Variants in ADCY10 observed in about 807,000 individuals in gnomAD.
ADCY10 encodes adenylate cyclase 10.
A neutral mutation model predicts 183.3 loss-of-function variants in ADCY10; 156 were observed. The observed-to-expected ratio is 0.85, with a 90% CI of 0.75 to 0.97. The LOEUF (loss-of-function observed/expected upper bound fraction) is 0.97, where lower values mean the gene tolerates loss of function less well. Among genes scored for constraint, ADCY10 ranks in the 50% least tolerant of loss-of-function variants. The probability of loss-of-function intolerance (pLI) is 0.00; values close to 1 mark genes in which losing one functional copy is unlikely to be tolerated. For missense variants in ADCY10, 1,745 were observed against 1,934.3 expected, an observed-to-expected ratio of 0.90 and a Z score of 1.84; for synonymous variants, 645 against 670.0, an observed-to-expected ratio of 0.96 and a Z score of 0.58.
At chr1:167,841,373 C>T (rs1664624981) in intron 21 of ADCY10, among the ~76,000 whole-genome samples, 1 of 152,002 alleles carries the variant, frequency 6.6e-6, no homozygotes, top group Non-Finnish European at 1.5e-5. Context: ...CAGCAAAATC[C>T]CTCACTTCCT....
At chr1:167,813,376 C>A (rs1028814462) in intron 31 of ADCY10, among the ~76,000 whole-genome samples, 7 of 151,570 alleles carry the variant, frequency 4.6e-5, no homozygotes, top group African/African-American at 1.7e-4. Flanking sequence ...CAAAAAAAAA[C>A]CCGTCAACCA....
At chr1:167,890,584 C>T (rs963244974) in intron 8 of ADCY10, among the ~76,000 whole-genome samples, 1 of 127,554 alleles carries the variant, frequency 7.8e-6, no homozygotes, top group Admixed American at 8.7e-5. Flanking sequence ...TTGTTCAAGG[C>T]TCTAGCACTC....
At chr1:167,811,772 A>T (rs1662226635) in intron 31 of ADCY10, among the ~76,000 whole-genome samples, 1 of 152,160 alleles carries the variant, frequency 6.6e-6, no homozygotes, top group African/African-American at 2.4e-5. Flanking sequence ...ACTGTAATTG[A>T]TGAATTGCTA....
chr1:167,871,860 G>A lies in ADCY10; in HGVS notation c.1463-1450C>T, dbSNP rs12038967. ...GAAAATGCATTTGAACCTCAATTTCGTGAGATGTTTTGTGTTTTTCTTTGG... is the reference window on the plus strand; with the variant it reads ...GAAAATGCATTTGAACCTCAATTTCATGAGATGTTTTGTGTTTTTCTTTGG... On this transcript the variant is annotated intron_variant, in intron 13 of 32. Transcript: ENST00000367851. 0.016 allele frequency among the ~76,000 whole-genome samples: 2,478 copies of A among 152,120 alleles called. 242 individuals carry two copies. In the East Asian group the frequency reaches 0.27, roughly 16 times the overall value.
intron 18 of ADCY10, among the ~76,000 whole-genome samples, chr1:167,853,503 G>A (rs1665649698): frequency 1.3e-5 from 2 of 152,058 alleles, no homozygotes; most frequent in East Asian, 1.9e-4. Context: ...GAAACACCAA[G>A]GGAGTGGAAA....
intron 14 of ADCY10, among the ~76,000 whole-genome samples, chr1:167,861,376 A>ACGAACC (rs1666277298): frequency 6.6e-6 from 1 of 152,214 alleles, no homozygotes; most frequent in Non-Finnish European, 1.5e-5. Context: ...GCCTAACGGC[A>ACGAACC]TGAACCCAGG....
At chr1:167,910,183 A>G (rs1198125761) in intron 1 of ADCY10, among the ~76,000 whole-genome samples, 1 of 152,200 alleles carries the variant, frequency 6.6e-6, no homozygotes, top group Non-Finnish European at 1.5e-5. Flanking sequence ...TCGTCCTGCT[A>G]CAATGGTATC....
chr1:167,864,055 G>A (rs1279010331), intron 14 of ADCY10, among the ~76,000 whole-genome samples: 1 of 152,176 alleles, frequency 6.6e-6, no homozygotes, highest in Non-Finnish European at 1.5e-5. Context: ...CGGCACTTTG[G>A]TTTTTGTTTT....
At position 167,845,508 on chromosome 1, in the gene ADCY10, T is replaced by C. The variant is rs759063303; in HGVS notation, c.3007+55A>G. 1.8e-5 allele frequency: 29 copies of C among 1,585,226 alleles called. No individual in the cohort carries two copies. In the South Asian group the frequency reaches 2.7e-4, roughly 15 times the overall value. ...ATCCACACCCACTCCTTCTAGATCT[T>C]AGTCTCTAGATTTCCCAAGAACAGT... On this transcript the variant is annotated intron_variant, in intron 21 of 32. Coordinates refer to ENST00000367851, the MANE Select transcript of ADCY10 (RefSeq NM_018417.6).
intron 26 of ADCY10, among the ~76,000 whole-genome samples, chr1:167,827,111 C>T (rs926923444): frequency 9.2e-5 from 14 of 152,118 alleles, no homozygotes; most frequent in Admixed American, 6.5e-5. Context: ...TACTTGACCC[C>T]TTCCCTTAAT....
intron 14 of ADCY10, among the ~76,000 whole-genome samples, chr1:167,869,020 T>C (rs1369202444): frequency 6.6e-6 from 1 of 152,208 alleles, no homozygotes; most frequent in Non-Finnish European, 1.5e-5. Flanking sequence ...TATAAAAATT[T>C]AACCTTACTA....
chr1:167,834,053 G>T lies in ADCY10; in HGVS notation c.3334C>A (p.Gln1112Lys). The T allele has an allele frequency of 6.2e-7, 1 of 1,614,024 alleles. No homozygotes were observed. Among genetic ancestry groups the T allele is most frequent in the South Asian group, 1.1e-5 (1 of 91,074 alleles). The change falls in exon 24 of 33, where the codon CAG (glutamine) becomes AAG (lysine). Residue 1112 changes from glutamine (Q) to lysine (K), a missense_variant. Physicochemically the swap from Gln to Lys is moderately conservative, Grantham distance 53 (BLOSUM62 1). Transcript: ENST00000367851. ...TTCTTGAGAGTTTTTAGCAACTTCT[G>T]TCCTTCATTCAAATACATGTATGCC... ...YMAYMYLNEG[Q>K]KLLKTLKKDK...
At chr1:167,820,872 G>C (rs887582043) in intron 30 of ADCY10, 1 of 152,226 alleles carries the variant, frequency 6.6e-6, no homozygotes, top group African/African-American at 2.4e-5. Context: ...CTGGGAAGGC[G>C]AGGCTGCAGT....
chr1:167,912,133 A>G (rs1250257428), intron 1 of ADCY10, among the ~76,000 whole-genome samples: 1 of 152,212 alleles, frequency 6.6e-6, no homozygotes, highest in East Asian at 1.9e-4. Context: ...CACATACCAC[A>G]TTGTAATTAT....
intron 21 of ADCY10, among the ~76,000 whole-genome samples, chr1:167,842,107 C>T (rs1664696035): frequency 6.6e-6 from 1 of 152,146 alleles, no homozygotes; most frequent in African/African-American, 2.4e-5. Context: ...GACCAGCTAC[C>T]AGCTTCCTCC....
chr1:167,809,537 A>G lies in ADCY10; in HGVS notation c.*141T>C, dbSNP rs1310910256. On this transcript the variant is annotated 3_prime_UTR_variant, in exon 33 of 33. Transcript: ENST00000367851. Reference sequence around the variant, plus strand: ...TGACCCTTGTAGGCCCTCCAGAAAGAGAAGAAATCAACATGTCTGTTTCTG... The same window carrying G: ...TGACCCTTGTAGGCCCTCCAGAAAGGGAAGAAATCAACATGTCTGTTTCTG... 2.1e-6 allele frequency: 2 copies of G among 938,224 alleles called. No individual in the cohort carries two copies. The highest frequency in any genetic ancestry group is 3.3e-5 in the African/African-American group (2 of 60,712). 58.1% of individuals were successfully genotyped at this position (938,224 alleles called of 1,614,324 possible).
intron 22 of ADCY10, 55 bp downstream of exon 22, chr1:167,837,194 A>G: frequency 1.4e-6 from 2 of 1,474,876 alleles, no homozygotes; most frequent in Non-Finnish European, 1.9e-6. Flanking sequence ...TAGTGTTCTG[A>G]ATTTAATGAC....
intron 14 of ADCY10, among the ~76,000 whole-genome samples, chr1:167,865,782 G>C (rs1312848980): frequency 6.6e-6 from 1 of 152,198 alleles, no homozygotes; most frequent in Non-Finnish European, 1.5e-5. Context: ...TTAAACAAAA[G>C]CAGTTGTTAT....
Position 167,894,121 on chromosome 1 carries a change from T to G in ADCY10, c.740-180A>C, listed in dbSNP as rs532020960. 6.6e-5 allele frequency among the ~76,000 whole-genome samples: 10 copies of G among 152,296 alleles called. No individual in the cohort carries two copies. The East Asian group carries it at 1.7e-3, about 26-fold the overall frequency. On this transcript the variant is annotated intron_variant, in intron 7 of 32. Coordinates refer to ENST00000367851, the MANE Select transcript of ADCY10 (RefSeq NM_018417.6). ...CCAGGGGAAATCCAAAGAGGAGCTC[T>G]TAGAGGTTAAAGGTTTCCCAAAATT...
Sources: allele counts gnomAD v4.1 joint callset (sites outside exome capture counted in the v4.1 genomes callset), GRCh38; gene constraint gnomAD v4.1.1; transcripts MANE v1.5; gene names NCBI Gene and HGNC (gene_info 2026-07-23, HGNC 2026-07-21).